The following KIRREL3 variants were observed in gnomAD, a reference collection of about 807,000 sequenced individuals.
The protein encoded by KIRREL3 is kirre like nephrin family adhesion molecule 3, also known as kin of IRRE-like protein 3.
A neutral mutation model predicts 89.7 loss-of-function variants in KIRREL3; 36 were observed. That is an observed-to-expected ratio of 0.40 (90% confidence interval 0.31 to 0.53). The LOEUF is 0.53. Among genes scored for constraint, KIRREL3 ranks in the 20% least tolerant of loss-of-function variants. KIRREL3 has a pLI of 0.49. For missense variants in KIRREL3, 864 were observed against 1,056.6 expected (o/e 0.82, Z 2.53); for synonymous variants, 445 against 441.4 (o/e 1.01, Z -0.10).
At position 126,640,343 on chromosome 11, in the gene KIRREL3, C is replaced by G. The variant is rs1431322633; in HGVS notation, c.56-77431G>C. On this transcript the variant is annotated intron_variant, in intron 1 of 16. Coordinates refer to ENST00000525144, the MANE Select transcript of KIRREL3 (RefSeq NM_032531.4). This position sits in a 1 kb window ranked among gnomAD's most constrained non-coding sequence, Gnocchi z 4.9. Reference sequence around the variant, plus strand: ...AGACTAACTGAACACAACACACACACAGACGCGCGTGTGCGCGCGCACACA... The same window carrying G: ...AGACTAACTGAACACAACACACACAGAGACGCGCGTGTGCGCGCGCACACA... Among the ~76,000 whole-genome samples, 1 of 152,132 alleles carries G rather than the reference C, an allele frequency of 6.6e-6. No homozygotes were observed.
chr11:126,507,566 G>A (rs566123951), intron 4 of KIRREL3, among the ~76,000 whole-genome samples: 19 of 152,242 alleles, frequency 1.2e-4, no homozygotes, highest in South Asian at 1.0e-3. Context: ...TATGGTTCGC[G>A]GAGGTAGGAG....
At position 126,628,164 on chromosome 11, in the gene KIRREL3, C is replaced by T. The variant is rs373342176; in HGVS notation, c.56-65252G>A. Among the ~76,000 whole-genome samples, 8 of 152,220 alleles carry T rather than the reference C, an allele frequency of 5.3e-5. No homozygotes were observed. The highest frequency in any genetic ancestry group is 1.7e-4 in the African/African-American group (7 of 41,442). On this transcript the variant is annotated intron_variant, in intron 1 of 16. Coordinates refer to ENST00000525144, the MANE Select transcript of KIRREL3 (RefSeq NM_032531.4). This position sits in a 1 kb window ranked among gnomAD's most constrained non-coding sequence, Gnocchi z 5.2. Reference sequence around the variant, plus strand: ...AAGACTGGTCCCTCTGAACACACTTCGCCCACCCCTCCAAGGCTTCTGGCC... The same window carrying T: ...AAGACTGGTCCCTCTGAACACACTTTGCCCACCCCTCCAAGGCTTCTGGCC...
chr11:126,478,721 G>T (rs934534152), intron 4 of KIRREL3, among the ~76,000 whole-genome samples: 10 of 152,076 alleles, frequency 6.6e-5, no homozygotes, highest in Non-Finnish European at 1.2e-4. Context: ...ATGTGTATGG[G>T]TGTGTGTATA....
chr11:126,795,680 G>C lies in KIRREL3; in HGVS notation c.55+204775C>G, dbSNP rs1371483209. The stretch of plus-strand genomic sequence containing the variant: ...ATTACAGGAGTGAGCCACTGTGCCT[G>C]GCCAGAAATATGTAGAAATTATTTG... On this transcript the variant is annotated intron_variant, in intron 1 of 16. Transcript: ENST00000525144. The surrounding 1 kb of genome is among the most constrained non-coding windows in gnomAD (Gnocchi z 4.1). Among the ~76,000 whole-genome samples, 1 of 152,096 alleles carries C rather than the reference G, an allele frequency of 6.6e-6. No individual in the cohort carries two copies. The highest frequency in any genetic ancestry group is 1.5e-5 in the Non-Finnish European group (1 of 68,032).
chr11:126,932,385 A>C (rs930154841), intron 1 of KIRREL3, among the ~76,000 whole-genome samples: 1 of 152,220 alleles, frequency 6.6e-6, no homozygotes, highest in African/African-American at 2.4e-5. Flanking sequence ...AGCTCAATGC[A>C]TTCAACCCAA....
At position 126,896,115 on chromosome 11, in the gene KIRREL3, T is replaced by C. The variant is rs563804562; in HGVS notation, c.55+104340A>G. 1.3e-5 allele frequency among the ~76,000 whole-genome samples: 2 copies of C among 152,380 alleles called. No homozygotes were observed. Among genetic ancestry groups the C allele is most frequent in the Middle Eastern group, 6.8e-3 (2 of 294 alleles). On this transcript the variant is annotated intron_variant, in intron 1 of 16. Coordinates refer to ENST00000525144, the MANE Select transcript of KIRREL3 (RefSeq NM_032531.4). The surrounding 1 kb of genome is among the most constrained non-coding windows in gnomAD (Gnocchi z 4.1). Reference sequence around the variant, plus strand: ...AAGTAGTTTTTTCTATTCTTGTTTATCCCTGAAGAGCACATGTATAGCTTA... The same window carrying C: ...AAGTAGTTTTTTCTATTCTTGTTTACCCCTGAAGAGCACATGTATAGCTTA...
chr11:126,799,415 C>CAT (rs1283066133), intron 1 of KIRREL3, among the ~76,000 whole-genome samples: 8 of 464 alleles, frequency 0.017, no homozygotes, highest in African/African-American at 0.031. Context: ...TCTGTGTGTG[C>CAT]GTCTCTGTGT....
chr11:126,910,230 A>C (rs1946760875), intron 1 of KIRREL3, among the ~76,000 whole-genome samples: 1 of 152,104 alleles, frequency 6.6e-6, no homozygotes, highest in Non-Finnish European at 1.5e-5. Flanking sequence ...TTGAGTGCTC[A>C]AGCAGTGGAA....
At chr11:126,922,012 A>C (rs1947351939) in intron 1 of KIRREL3, among the ~76,000 whole-genome samples, 1 of 128,754 alleles carries the variant, frequency 7.8e-6, no homozygotes, top group Non-Finnish European at 1.6e-5. Flanking sequence ...TCTATCATCT[A>C]TCTTCCTATC....
At chr11:126,536,552 CA>C (rs1937895820) in intron 2 of KIRREL3, among the ~76,000 whole-genome samples, 1 of 150,604 alleles carries the variant, frequency 6.6e-6, no homozygotes, top group Non-Finnish European at 1.5e-5. Flanking sequence ...GGTTGTGTAA[CA>C]GGGGAGATAA....
chr11:126,603,171 C>T (rs2134755563), intron 1 of KIRREL3, among the ~76,000 whole-genome samples: 1 of 152,298 alleles, frequency 6.6e-6, no homozygotes, highest in Admixed American at 6.5e-5. Flanking sequence ...AGCTGCTGGG[C>T]CCCATGCCAG....
intron 1 of KIRREL3, among the ~76,000 whole-genome samples, chr11:126,823,156 C>T (rs1943286177): frequency 6.6e-6 from 1 of 152,200 alleles, no homozygotes; most frequent in South Asian, 2.1e-4. Context: ...GGGCCTGCCT[C>T]ACACTAACCA....
chr11:126,424,495 C>A lies in KIRREL3; in HGVS notation c.*85G>T. The A allele has an allele frequency of 7.4e-7, 1 of 1,358,260 alleles. No individual in the cohort carries two copies. The highest frequency in any genetic ancestry group is 1.3e-5 in the South Asian group (1 of 74,990). The allele number at this position is 1,358,260 out of a possible 1,614,324, so 84.1% of individuals were successfully genotyped here. A position where few individuals can be genotyped will look rare whatever the true frequency, so the allele number is the denominator to read the frequency against. On this transcript the variant is annotated 3_prime_UTR_variant, in exon 17 of 17. Transcript: ENST00000525144. ...CCTGGAAGTGGCCAATTCTGGTGTC[C>A]TCTGCAAAGTACCCCTCGTCCCTGG...
In KIRREL3 at chr11:126,522,592, T is replaced by C. The variant is rs779723475; in HGVS notation, c.284-1128A>G. Among the ~76,000 whole-genome samples, 28 of 152,256 alleles carry C rather than the reference T, an allele frequency of 1.8e-4. No individual in the cohort carries two copies. The highest frequency in any genetic ancestry group is 3.5e-4 in the Non-Finnish European group (24 of 68,046). ...GAGAATATAAATCATTAATCAGCGTTCCTGCTGCTGTGTAGGGTTGAATAT... is the reference window on the plus strand; with the variant it reads ...GAGAATATAAATCATTAATCAGCGTCCCTGCTGCTGTGTAGGGTTGAATAT... On this transcript the variant is annotated intron_variant, in intron 3 of 16. Coordinates refer to ENST00000525144, the MANE Select transcript of KIRREL3 (RefSeq NM_032531.4). This position sits in a 1 kb window ranked among gnomAD's most constrained non-coding sequence, Gnocchi z 6.0.
At position 126,432,362 on chromosome 11, in the gene KIRREL3, A is replaced by G. The variant is rs1264811093; in HGVS notation, c.1589-836T>C. 6.6e-6 allele frequency among the ~76,000 whole-genome samples: 1 copy of G among 152,134 alleles called. No homozygotes were observed. The highest frequency in any genetic ancestry group is 1.5e-5 in the Non-Finnish European group (1 of 68,006). On this transcript the variant is annotated intron_variant, in intron 13 of 16. Transcript: ENST00000525144. This position sits in a 1 kb window ranked among gnomAD's most constrained non-coding sequence, Gnocchi z 6.2. Reference sequence around the variant, plus strand: ...AGGATAGAGTCGGGGGTGATCTTCCACACAGCCTTGGCCCTTCTACAGCTG... The same window carrying G: ...AGGATAGAGTCGGGGGTGATCTTCCGCACAGCCTTGGCCCTTCTACAGCTG...
intron 2 of KIRREL3, among the ~76,000 whole-genome samples, chr11:126,547,836 C>T (rs749895332): frequency 6.6e-5 from 10 of 152,168 alleles, no homozygotes; most frequent in East Asian, 1.9e-4. Flanking sequence ...ACCCTATCCT[C>T]GTCGCCCAGA....
In KIRREL3 at chr11:126,685,064, A is replaced by G. The variant is rs369105313; in HGVS notation, c.56-122152T>C. Among the ~76,000 whole-genome samples the G allele has an allele frequency of 4.6e-5, 7 of 152,282 alleles. No individual in the cohort carries two copies. The highest frequency in any genetic ancestry group is 9.6e-5 in the African/African-American group (4 of 41,544). On this transcript the variant is annotated intron_variant, in intron 1 of 16. Coordinates refer to ENST00000525144, the MANE Select transcript of KIRREL3 (RefSeq NM_032531.4). This position sits in a 1 kb window ranked among gnomAD's most constrained non-coding sequence, Gnocchi z 5.5. Reference sequence around the variant, plus strand: ...ACATTCCTGTAGATGCTGGAGTGGAAAGGCAGGTTGGAGGAAATACAAAGA... The same window carrying G: ...ACATTCCTGTAGATGCTGGAGTGGAGAGGCAGGTTGGAGGAAATACAAAGA...
rs964585638 is a variant in KIRREL3, at chr11:126,708,085, G to A, written c.56-145173C>T. Among the ~76,000 whole-genome samples the A allele has an allele frequency of 1.3e-5, 2 of 152,026 alleles. No individual in the cohort carries two copies. The highest frequency in any genetic ancestry group is 1.5e-5 in the Non-Finnish European group (1 of 67,998). ...GATCTCCATAGGTCCCAGGGTATCC[G>A]TGCCCCGTTTGATCAGAAAGAAACA... On this transcript the variant is annotated intron_variant, in intron 1 of 16. Transcript: ENST00000525144. The surrounding 1 kb of genome is among the most constrained non-coding windows in gnomAD (Gnocchi z 5.7).
intron 2 of KIRREL3, chr11:126,549,714 G>A (rs1444557558): frequency 6.6e-6 from 1 of 152,362 alleles, no homozygotes; most frequent in African/African-American, 2.4e-5. Context: ...AGTTGACATA[G>A]TGGAGACCCC....
Sources: gnomAD v4.1 joint callset for allele counts (sites outside exome capture counted in the v4.1 genomes callset) on GRCh38, gnomAD v4.1.1 for gene constraint, Gnocchi (gnomAD v3.1) non-coding constraint, MANE v1.5 for transcripts, NCBI Gene and HGNC (gene_info 2026-07-23, HGNC 2026-07-21) for gene names.